Variants in SLC8A1 observed in about 807,000 individuals in gnomAD.
SLC8A1 encodes the protein solute carrier family 8 member A1.
A neutral mutation model predicts 68.3 loss-of-function variants in SLC8A1; 18 were observed. The ratio of observed to expected loss-of-function variants is 0.26; its 90% CI spans 0.18 to 0.39. The LOEUF (loss-of-function observed/expected upper bound fraction) is 0.39. SLC8A1 is among the 10% of genes least tolerant of loss of function. The pLI, the probability that SLC8A1 is intolerant of heterozygous loss-of-function variation, is 1.00. For synonymous variants in SLC8A1, 475 were observed against 415.5 expected (o/e 1.14, Z -1.74); for missense variants, 985 against 1,156.7 (o/e 0.85, Z 2.15).
intron 2 of SLC8A1, among the ~76,000 whole-genome samples, chr2:40,385,241 G>T (rs1683183167): frequency 6.6e-6 from 1 of 151,982 alleles, no homozygotes; most frequent in Non-Finnish European, 1.5e-5. Flanking sequence ...TAGTCTCGAG[G>T]AGGAAACTCC....
chr2:40,373,947 G>C (rs541781140), intron 2 of SLC8A1, among the ~76,000 whole-genome samples: 1 of 152,196 alleles, frequency 6.6e-6, no homozygotes, highest in East Asian at 1.9e-4. Flanking sequence ...CAACTTGATA[G>C]AGCAAATAAA....
chr2:40,295,076 A>G (rs911628513), intron 2 of SLC8A1, among the ~76,000 whole-genome samples: 1 of 152,072 alleles, frequency 6.6e-6, no homozygotes, highest in Non-Finnish European at 1.5e-5. Flanking sequence ...TAAAGAATGG[A>G]TTGAAAAGTT....
intron 1 of SLC8A1, among the ~76,000 whole-genome samples, chr2:40,502,462 A>G (rs1480149346): frequency 6.6e-6 from 1 of 152,060 alleles, no homozygotes; most frequent in Non-Finnish European, 1.5e-5. Flanking sequence ...AAGATAGTAG[A>G]TGTGCAATAA....
chr2:40,493,922 TC>T (rs1705507208), intron 1 of SLC8A1, among the ~76,000 whole-genome samples: 1 of 151,932 alleles, frequency 6.6e-6, no homozygotes, highest in Non-Finnish European at 1.5e-5. Flanking sequence ...TCCTCTTTTT[TC>T]CTTTCCTTCC....
chr2:40,168,624 C>A (rs13394655), intron 4 of SLC8A1, among the ~76,000 whole-genome samples: 1 of 151,946 alleles, frequency 6.6e-6, no homozygotes, highest in Non-Finnish European at 1.5e-5. Flanking sequence ...CTGTTGAATA[C>A]GGAAATGGTT....
At chr2:40,278,611 C>T (rs906773832) in intron 2 of SLC8A1, among the ~76,000 whole-genome samples, 7 of 152,104 alleles carry the variant, frequency 4.6e-5, no homozygotes, top group African/African-American at 7.2e-5. Flanking sequence ...GTGGGCAAAG[C>T]GACATACCTC....
At chr2:40,377,438 G>A (rs759752027) in intron 2 of SLC8A1, among the ~76,000 whole-genome samples, 7 of 152,042 alleles carry the variant, frequency 4.6e-5, no homozygotes, top group Admixed American at 1.3e-4. Context: ...GATAACAAAC[G>A]TATGTTGTTT....
intron 2 of SLC8A1, among the ~76,000 whole-genome samples, chr2:40,372,630 G>C (rs1678497560): frequency 6.6e-6 from 1 of 152,012 alleles, no homozygotes; most frequent in African/African-American, 2.4e-5. Context: ...CTTTAGGCTA[G>C]AAAGACTGTT....
chr2:40,252,969 GTACATATATGTATCTGTATATATGTATA>G (rs2063099555), intron 2 of SLC8A1, among the ~76,000 whole-genome samples: 1 of 134,556 alleles, frequency 7.4e-6, no homozygotes, highest in Non-Finnish European at 1.5e-5. Context: ...GTATATGTAT[GTACATATATGTATCTGTATATATGTATA>G]TACATATATA....
At chr2:40,279,373 C>T (rs2067198219) in intron 2 of SLC8A1, among the ~76,000 whole-genome samples, 2 of 152,142 alleles carry the variant, frequency 1.3e-5, no homozygotes, top group South Asian at 4.1e-4. Flanking sequence ...TGTTCAAATG[C>T]TGCTAAAACA....
chr2:40,375,052 A>G (rs983991391), intron 2 of SLC8A1, among the ~76,000 whole-genome samples: 3 of 152,074 alleles, frequency 2.0e-5, no homozygotes, highest in African/African-American at 7.2e-5. Flanking sequence ...GAATTTAATC[A>G]GTCGGGAGAA....
chr2:40,247,434 A>G (rs1004029820), intron 2 of SLC8A1, among the ~76,000 whole-genome samples: 3 of 150,626 alleles, frequency 2.0e-5, no homozygotes, highest in East Asian at 3.9e-4. Context: ...CAGCATATAT[A>G]TGTGTGTGTG....
intron 2 of SLC8A1, among the ~76,000 whole-genome samples, chr2:40,275,427 A>C (rs1004777750): frequency 3.3e-5 from 5 of 152,224 alleles, no homozygotes; most frequent in Non-Finnish European, 5.9e-5. Context: ...TTTTTCAAAC[A>C]AACTGCTCTA....
At chr2:40,165,839 G>C (rs1432546368) in intron 4 of SLC8A1, among the ~76,000 whole-genome samples, 1 of 152,186 alleles carries the variant, frequency 6.6e-6, no homozygotes, top group South Asian at 2.1e-4. Flanking sequence ...AGGTCATTAG[G>C]ATAAATCCCA....
intron 2 of SLC8A1, among the ~76,000 whole-genome samples, chr2:40,235,147 T>C (rs1307452663): frequency 6.6e-6 from 1 of 151,984 alleles, no homozygotes; most frequent in Non-Finnish European, 1.5e-5. Context: ...TCTTTTTCTA[T>C]TGATTGGAAT....
At chr2:40,206,127 T>C (rs920494327) in intron 2 of SLC8A1, among the ~76,000 whole-genome samples, 2 of 152,074 alleles carry the variant, frequency 1.3e-5, no homozygotes, top group African/African-American at 4.8e-5. Context: ...TTCACAATTA[T>C]AATTGAATCA....
At chr2:40,439,537 C>A (rs1700097461) in intron 1 of SLC8A1, among the ~76,000 whole-genome samples, 2 of 152,130 alleles carry the variant, frequency 1.3e-5, no homozygotes, top group Middle Eastern at 3.2e-3. Flanking sequence ...AATACAGAAA[C>A]CAATCTCAAG....
intron 2 of SLC8A1, among the ~76,000 whole-genome samples, chr2:40,217,480 G>C (rs2057675439): frequency 6.6e-6 from 1 of 152,004 alleles, no homozygotes; most frequent in Non-Finnish European, 1.5e-5. Context: ...CTTTTCCTTT[G>C]TCCTGTATAG....
intron 7 of SLC8A1, chr2:40,118,614 T>G (rs2036066450): frequency 7.0e-6 from 1 of 142,606 alleles, no homozygotes; most frequent in Non-Finnish European, 1.5e-5. Flanking sequence ...GAAGTTTTTT[T>G]TTTTTTTTTT....
Sources: gnomAD v4.1 joint callset for allele counts (sites outside exome capture counted in the v4.1 genomes callset) on GRCh38, gnomAD v4.1.1 for gene constraint, MANE v1.5 for transcripts, NCBI Gene and HGNC (gene_info 2026-07-23, HGNC 2026-07-21) for gene names.